Variants in DIAPH3 observed in about 807,000 individuals in gnomAD.
DIAPH3 encodes the protein protein diaphanous homolog 3.
DIAPH3 carries 117 observed loss-of-function variants against 144.3 expected under a neutral mutation model. The ratio of observed to expected loss-of-function variants is 0.81; its 90% CI spans 0.70 to 0.95. DIAPH3 has a LOEUF of 0.95. DIAPH3 is among the 40% of genes least tolerant of loss of function. DIAPH3 has a pLI of 0.00. For missense variants in DIAPH3, 1,421 were observed against 1,412.7 expected (o/e 1.01, Z -0.09); for synonymous variants, 519 against 488.9 (o/e 1.06, Z -0.81).
chr13:59,836,634 A>G (rs915544848), intron 23 of DIAPH3, among the ~76,000 whole-genome samples: 7 of 152,064 alleles, frequency 4.6e-5, no homozygotes, highest in Non-Finnish European at 1.0e-4. Flanking sequence ...TTCACATTAC[A>G]ATAAAATTGT....
chr13:59,795,200 GAAGT>G (rs944172168), intron 25 of DIAPH3, among the ~76,000 whole-genome samples: 5 of 152,106 alleles, frequency 3.3e-5, no homozygotes, highest in African/African-American at 1.2e-4. Flanking sequence ...CAGGCCAAAG[GAAGT>G]AAGACAAAAA....
At chr13:60,041,891 C>T (rs1237664971) in intron 5 of DIAPH3, among the ~76,000 whole-genome samples, 1 of 152,052 alleles carries the variant, frequency 6.6e-6, no homozygotes, top group Non-Finnish European at 1.5e-5. Flanking sequence ...TCAGAGTTAG[C>T]AAATGGCCTC....
chr13:59,800,381 AT>A (rs1425942968), intron 25 of DIAPH3, among the ~76,000 whole-genome samples: 1 of 152,188 alleles, frequency 6.6e-6, no homozygotes, highest in African/African-American at 2.4e-5. Flanking sequence ...TAAAATGGGA[AT>A]TATCTCATAG....
intron 27 of DIAPH3, among the ~76,000 whole-genome samples, chr13:59,714,165 C>T (rs1224698917): frequency 1.3e-5 from 2 of 151,856 alleles, no homozygotes; most frequent in African/African-American, 4.8e-5. Flanking sequence ...TCGAGACCAT[C>T]CCGGCTAACA....
At chr13:60,130,833 C>T (rs1193630248) in intron 2 of DIAPH3, among the ~76,000 whole-genome samples, 1 of 151,936 alleles carries the variant, frequency 6.6e-6, no homozygotes, top group Non-Finnish European at 1.5e-5. Flanking sequence ...CTTACCAAGG[C>T]CAGTTGCAAG....
In DIAPH3 at chr13:59,831,522, G is replaced by C. The variant is rs533689981; in HGVS notation, c.3027+1585C>G. ...AGCTTCTGTGAGTCTTGGTGTCAAA[G>C]ATTTTATTGAGAGTCAGTCACTTTA... On this transcript the variant is annotated intron_variant, in intron 24 of 27. Transcript: ENST00000400324. 2.0e-5 allele frequency among the ~76,000 whole-genome samples: 3 copies of C among 151,948 alleles called. No homozygotes were observed. The East Asian group carries it at 5.8e-4, about 29-fold the overall frequency.
chr13:59,685,277 A>G (rs898288356), intron 27 of DIAPH3, among the ~76,000 whole-genome samples: 25 of 152,138 alleles, frequency 1.6e-4, no homozygotes, highest in Admixed American at 1.4e-3. Context: ...ATATATCGAA[A>G]TATCTGTGAC....
At chr13:59,872,266 G>A (rs1254597261) in intron 21 of DIAPH3, among the ~76,000 whole-genome samples, 2 of 152,072 alleles carry the variant, frequency 1.3e-5, no homozygotes, top group Non-Finnish European at 2.9e-5. Flanking sequence ...TTTATAAGTT[G>A]TATTTTCATT....
chr13:60,153,886 T>C (rs1432450739), intron 1 of DIAPH3, among the ~76,000 whole-genome samples: 1 of 152,118 alleles, frequency 6.6e-6, no homozygotes, highest in Non-Finnish European at 1.5e-5. Context: ...GTTTCCTTTA[T>C]ACGTTTTTTT....
intron 21 of DIAPH3, among the ~76,000 whole-genome samples, chr13:59,870,530 C>A (rs1407558729): frequency 6.6e-6 from 1 of 152,088 alleles, no homozygotes. Context: ...GGAACTCTCA[C>A]TGGGGCTCTA....
intron 20 of DIAPH3, among the ~76,000 whole-genome samples, chr13:59,898,654 C>A (rs1018238366): frequency 7.9e-5 from 12 of 152,024 alleles, no homozygotes; most frequent in African/African-American, 2.9e-4. Context: ...CAAGTGAGTA[C>A]CTGACAGAAT....
intron 27 of DIAPH3, among the ~76,000 whole-genome samples, chr13:59,719,859 C>A (rs1036734854): frequency 6.6e-6 from 1 of 152,086 alleles, no homozygotes; most frequent in African/African-American, 2.4e-5. Context: ...GTGGAACCTC[C>A]ATACAAGCAT....
At chr13:60,130,669 A>G (rs1219016504) in intron 2 of DIAPH3, among the ~76,000 whole-genome samples, 1 of 152,156 alleles carries the variant, frequency 6.6e-6, no homozygotes, top group African/African-American at 2.4e-5. Flanking sequence ...TAAAATACTC[A>G]CTATGTGCCA....
intron 27 of DIAPH3, among the ~76,000 whole-genome samples, chr13:59,672,184 C>T (rs1395897746): frequency 1.3e-5 from 2 of 152,194 alleles, no homozygotes; most frequent in Non-Finnish European, 2.9e-5. Flanking sequence ...TTGGGGAAGA[C>T]TTCTCTGCTG....
intron 20 of DIAPH3, among the ~76,000 whole-genome samples, chr13:59,884,759 C>T (rs2045324141): frequency 7.6e-6 from 1 of 132,226 alleles, no homozygotes; most frequent in Admixed American, 8.3e-5. Context: ...AACACAAGTT[C>T]ATTTCACTTG....
chr13:59,698,304 ATTTTAAGTC>A (rs2033927027), intron 27 of DIAPH3, among the ~76,000 whole-genome samples: 1 of 152,198 alleles, frequency 6.6e-6, no homozygotes, highest in Admixed American at 6.5e-5. Flanking sequence ...TTAATATGAG[ATTTTAAGTC>A]TTTTCCTTGT....
At chr13:59,780,337 C>T (rs1280094483) in intron 25 of DIAPH3, among the ~76,000 whole-genome samples, 9 of 151,778 alleles carry the variant, frequency 5.9e-5, no homozygotes, top group South Asian at 2.1e-4. Flanking sequence ...ATAACAGGTA[C>T]GAAGGCAAAA....
chr13:59,867,265 C>T (rs1309333640), intron 21 of DIAPH3, among the ~76,000 whole-genome samples: 1 of 150,946 alleles, frequency 6.6e-6, no homozygotes, highest in Non-Finnish European at 1.5e-5. Flanking sequence ...CACTGCGCTC[C>T]GGCATAGATG....
chr13:60,065,327 T>C (rs1291373188), intron 4 of DIAPH3, among the ~76,000 whole-genome samples: 4 of 147,784 alleles, frequency 2.7e-5, no homozygotes, highest in African/African-American at 2.5e-5. Flanking sequence ...AAGGTACACC[T>C]ATATTAATAA....
Sources: allele counts gnomAD v4.1 joint callset (sites outside exome capture counted in the v4.1 genomes callset), GRCh38; gene constraint gnomAD v4.1.1; transcripts MANE v1.5; gene names NCBI Gene and HGNC (gene_info 2026-07-23, HGNC 2026-07-21).